MBTD1: variants seen among roughly 807,000 people sequenced by gnomAD.
MBTD1 encodes mbt domain containing 1, also known as MBT domain-containing protein 1.
In MBTD1, 24 loss-of-function variants were observed where a neutral mutation model predicts 87.8. That is an observed-to-expected ratio of 0.27 (90% CI 0.20 to 0.38). The LOEUF is 0.38. MBTD1 is among the 10% of genes least tolerant of loss of function. The probability of loss-of-function intolerance (pLI) is 1.00; values close to 1 mark genes in which losing one functional copy is unlikely to be tolerated. For missense variants in MBTD1, 436 were observed against 760.2 expected (o/e 0.57, Z 5.02); for synonymous variants, 237 against 248.6 (o/e 0.95, Z 0.44).
At chr17:51,197,753 T>C (rs1311060443) in intron 12 of MBTD1, among the ~76,000 whole-genome samples, 2 of 152,128 alleles carry the variant, frequency 1.3e-5, no homozygotes, top group Non-Finnish European at 2.9e-5. Flanking sequence ...GCAATCTGCC[T>C]GCCTCGGCCT....
intron 2 of MBTD1, among the ~76,000 whole-genome samples, chr17:51,234,704 G>GT (rs1016510449): frequency 2.0e-5 from 3 of 152,082 alleles, no homozygotes; most frequent in Non-Finnish European, 2.9e-5. Context: ...TTTTCTTTTT[G>GT]TTTTTTGAGA....
chr17:51,188,539 G>C (rs1161215984), intron 16 of MBTD1, among the ~76,000 whole-genome samples: 1 of 152,128 alleles, frequency 6.6e-6, no homozygotes, highest in Non-Finnish European at 1.5e-5. Context: ...AGGTTTTATA[G>C]CCCATCTGGT....
upstream of MBTD1, chr17:51,260,490 C>T: frequency 1.5e-5 from 21 of 1,369,522 alleles, no homozygotes; most frequent in Non-Finnish European, 2.1e-5. Flanking sequence ...CTCCTTCCGG[C>T]CCCCGGGGCT....
intron 2 of MBTD1, among the ~76,000 whole-genome samples, chr17:51,252,493 AG>A (rs1422478573): frequency 2.4e-4 from 37 of 152,188 alleles, no homozygotes; most frequent in African/African-American, 8.9e-4. Context: ...TGGGAGACCA[AG>A]GGTGGGTGGA....
chr17:51,219,924 G>C (rs1029863586), intron 4 of MBTD1, among the ~76,000 whole-genome samples: 1 of 152,100 alleles, frequency 6.6e-6, no homozygotes, highest in African/African-American at 2.4e-5. Context: ...GTACTAAAAA[G>C]TACAAAGCGA....
intron 6 of MBTD1, among the ~76,000 whole-genome samples, chr17:51,216,509 G>C (rs1428426242): frequency 6.6e-6 from 1 of 151,724 alleles, no homozygotes; most frequent in Non-Finnish European, 1.5e-5. Context: ...CCTTTTAAAG[G>C]GTTTCTCATG....
At chr17:51,199,981 C>A (rs12449426) in intron 12 of MBTD1, among the ~76,000 whole-genome samples, 1 of 151,792 alleles carries the variant, frequency 6.6e-6, no homozygotes, top group South Asian at 2.1e-4. Flanking sequence ...TGTGCCACCA[C>A]GCCTAGTTAA....
At chr17:51,243,436 A>G (rs1381848532) in intron 2 of MBTD1, among the ~76,000 whole-genome samples, 1 of 152,146 alleles carries the variant, frequency 6.6e-6, no homozygotes, top group African/African-American at 2.4e-5. Context: ...CTAAACACAT[A>G]GATTTTCTGA....
At chr17:51,181,021 C>CTT (rs57226972) in intron 16 of MBTD1, among the ~76,000 whole-genome samples, 11 of 122,730 alleles carry the variant, frequency 9.0e-5, no homozygotes, top group Admixed American at 1.7e-4. Context: ...GAAGTACAAT[C>CTT]TTTTTTTTTT....
chr17:51,228,358 A>G (rs930076738), intron 2 of MBTD1, among the ~76,000 whole-genome samples: 1 of 152,210 alleles, frequency 6.6e-6, no homozygotes, highest in Admixed American at 6.5e-5. Flanking sequence ...GCAAACCTGC[A>G]CAAGTACCCA....
Position 51,178,055 on chromosome 17 carries a change from A to G in MBTD1, c.*2521T>C, listed in dbSNP as rs2050164327. 1 of 152,224 alleles carries G rather than the reference A, an allele frequency of 6.6e-6. No individual in the cohort carries two copies. Among genetic ancestry groups the G allele is most frequent in the African/African-American group, 2.4e-5 (1 of 41,456 alleles). 9.4% of individuals were successfully genotyped at this position (152,224 alleles called of 1,614,324 possible). On this transcript the variant is annotated 3_prime_UTR_variant, in exon 17 of 17. Transcript: ENST00000586178. ...TCATACACGGCAAGGAAAAGGTTAA[A>G]GAGTTTAAACTACCAAAAGTCCCCA...
chr17:51,250,380 A>G (rs1019054629), intron 2 of MBTD1: 42 of 152,218 alleles, frequency 2.8e-4, no homozygotes, highest in African/African-American at 1.0e-3. Context: ...AATGTCCCAA[A>G]TATCTTTTAG....
rs1001665335 is a variant in MBTD1 at position 51,218,552 on chromosome 17, A to T, written c.403+378T>A. Among the ~76,000 whole-genome samples, 83 of 128,888 alleles carry T rather than the reference A, an allele frequency of 6.4e-4. 1 individual carries two copies. The highest frequency in any genetic ancestry group is 2.2e-3 in the African/African-American group (78 of 35,674). 84.6% of individuals were successfully genotyped at this position (128,888 alleles called of 152,430 possible). On this transcript the variant is annotated intron_variant, in intron 5 of 16. Transcript: ENST00000586178. ...TCCAAAAAAAAAAAAAAAAAAAAAA[A>T]AAAATCTATTGGAAATGGTCCTTTC...
At chr17:51,191,199 A>G (rs1480759495) in intron 16 of MBTD1, among the ~76,000 whole-genome samples, 2 of 152,084 alleles carry the variant, frequency 1.3e-5, no homozygotes, top group African/African-American at 4.8e-5. Flanking sequence ...AATATATTTT[A>G]TATTACTTTG....
intron 5 of MBTD1, among the ~76,000 whole-genome samples, chr17:51,218,007 A>T (rs1420563970): frequency 6.6e-6 from 1 of 152,114 alleles, no homozygotes; most frequent in Non-Finnish European, 1.5e-5. Context: ...AGAATGACAA[A>T]CACTGTTGTG....
At chr17:51,224,814 A>G (rs1245088698) in intron 3 of MBTD1, among the ~76,000 whole-genome samples, 194 bp downstream of exon 3, 1 of 152,010 alleles carries the variant, frequency 6.6e-6, no homozygotes, top group Non-Finnish European at 1.5e-5. Context: ...TTGTTGTTGT[A>G]TTTGCTTTCC....
intron 7 of MBTD1, among the ~76,000 whole-genome samples, chr17:51,204,498 T>C (rs922767329): frequency 8.4e-5 from 4 of 47,508 alleles, no homozygotes; most frequent in Non-Finnish European, 2.4e-4. Context: ...TATATATAAT[T>C]ATATATATAT....
At chr17:51,211,484 G>A (rs1248293357) in intron 6 of MBTD1, among the ~76,000 whole-genome samples, 1 of 146,368 alleles carries the variant, frequency 6.8e-6, no homozygotes, top group African/African-American at 2.6e-5. Flanking sequence ...TCTAGCCTGG[G>A]CAACAGGAGT....
At position 51,225,141 on chromosome 17, in the gene MBTD1, G is replaced by A; in HGVS notation, c.21C>T (p.Ser7=). MFDGYD[S]CSEDTSSSSS... ...AGCTGCTGCTTGTGTCCTCACTGCA[G>A]CTATCATAACCGTCAAACATCCCGA... Residue 7 remains serine (S), a synonymous_variant, in exon 3 of 17, where the codon AGC becomes AGT. Transcript: ENST00000586178. The A allele has an allele frequency of 6.5e-7, 1 of 1,549,582 alleles. No homozygotes were observed. Among genetic ancestry groups the A allele is most frequent in the Non-Finnish European group, 8.7e-7 (1 of 1,146,214 alleles).
Sources: gnomAD v4.1 joint callset for allele counts (sites outside exome capture counted in the v4.1 genomes callset) on GRCh38, gnomAD v4.1.1 for gene constraint, MANE v1.5 for transcripts, NCBI Gene and HGNC (gene_info 2026-07-23, HGNC 2026-07-21) for gene names.